ANKS1B: variants seen among roughly 807,000 people sequenced by gnomAD.
ANKS1B encodes ankyrin repeat and sterile alpha motif domain containing 1B, also known as ankyrin repeat and sterile alpha motif domain-containing protein 1B.
ANKS1B carries 36 observed loss-of-function variants against 148.3 expected under a neutral mutation model. The observed-to-expected ratio is 0.24, with a 90% confidence interval of 0.19 to 0.32. The LOEUF (loss-of-function observed/expected upper bound fraction) is 0.32, where lower values mean the gene tolerates loss of function less well. ANKS1B is among the 10% of genes least tolerant of loss of function. The pLI, the probability that ANKS1B is intolerant of heterozygous loss-of-function variation, is 1.00. For synonymous variants in ANKS1B, 542 were observed against 560.8 expected, an observed-to-expected ratio of 0.97 and a Z score of 0.47; for missense variants, 1,157 against 1,542.6, an observed-to-expected ratio of 0.75 and a Z score of 4.19.
chr12:99,634,863 A>C (rs1413036298), intron 9 of ANKS1B, among the ~76,000 whole-genome samples: 1 of 152,210 alleles, frequency 6.6e-6, no homozygotes, highest in African/African-American at 2.4e-5. Flanking sequence ...AATACTCTTA[A>C]ATCACGTATA....
chr12:99,184,317 G>C (rs2079516988), intron 14 of ANKS1B, among the ~76,000 whole-genome samples: 1 of 152,216 alleles, frequency 6.6e-6, no homozygotes, highest in African/African-American at 2.4e-5. Flanking sequence ...GAGGTCAATA[G>C]AGGAGAGATA....
intron 1 of ANKS1B, among the ~76,000 whole-genome samples, chr12:99,860,881 C>T (rs954688528): frequency 2.6e-5 from 4 of 152,128 alleles, no homozygotes; most frequent in Non-Finnish European, 5.9e-5. Context: ...TATATCTTTC[C>T]TACTGATAAA....
In ANKS1B at chr12:99,816,164, T is replaced by G. The variant is rs139954236; in HGVS notation, c.216-3853A>C. On this transcript the variant is annotated intron_variant, in intron 2 of 26. Transcript: ENST00000683438. ...AACTTCTATTGTTTTCTTTTTTTAC[T>G]TTTTAATTATGGCCATTCTTGCAGG... 3.9e-4 allele frequency among the ~76,000 whole-genome samples: 59 copies of G among 151,992 alleles called. No individual in the cohort carries two copies. In the East Asian group the frequency reaches 9.8e-3, roughly 25 times the overall value.
chr12:99,007,057 C>G lies in ANKS1B; in HGVS notation c.2778+46100G>C, dbSNP rs1387388905. Among the ~76,000 whole-genome samples the G allele has an allele frequency of 3.3e-5, 4 of 122,702 alleles. No individual in the cohort carries two copies. In the East Asian group the frequency reaches 8.2e-4, roughly 25 times the overall value. The allele number at this position is 122,702 out of a possible 152,430, so 80.5% of individuals were successfully genotyped here. A position where few individuals can be genotyped will look rare whatever the true frequency, so the allele number is the denominator to read the frequency against. On this transcript the variant is annotated intron_variant, in intron 17 of 26. Coordinates refer to ENST00000683438, the MANE Select transcript of ANKS1B (RefSeq NM_001352186.2). ...AAAACCCAAAATAGATATAATAAAG[C>G]ATAAAAAATCAGTTAGGAATTTTCT...
At chr12:99,368,605 T>C (rs1315290344) in intron 12 of ANKS1B, among the ~76,000 whole-genome samples, 6 of 152,162 alleles carry the variant, frequency 3.9e-5, no homozygotes, top group Admixed American at 2.0e-4. Context: ...ATATGCATTA[T>C]AGATGTATAA....
intron 8 of ANKS1B, among the ~76,000 whole-genome samples, chr12:99,771,337 G>A (rs947819610): frequency 4.6e-5 from 7 of 151,846 alleles, no homozygotes; most frequent in African/African-American, 1.7e-4. Context: ...TTTACTAATG[G>A]TACGTACAAC....
intron 1 of ANKS1B, among the ~76,000 whole-genome samples, chr12:99,847,456 G>C (rs1437563289): frequency 6.6e-6 from 1 of 152,090 alleles, no homozygotes; most frequent in Middle Eastern, 3.2e-3. Context: ...CTGTCTGATA[G>C]TAGGTCATAA....
At chr12:98,972,381 G>A (rs2099883940) in intron 17 of ANKS1B, among the ~76,000 whole-genome samples, 1 of 152,138 alleles carries the variant, frequency 6.6e-6, no homozygotes, top group Admixed American at 6.5e-5. Flanking sequence ...GTATTAGTCG[G>A]ATTTGATCAG....
rs180917682 is a variant in ANKS1B, at chr12:99,287,365, G to A, written c.1757-40501C>T. On this transcript the variant is annotated intron_variant, in intron 12 of 26. Coordinates refer to ENST00000683438, the MANE Select transcript of ANKS1B (RefSeq NM_001352186.2). Reference sequence around the variant, plus strand: ...TACTGAGCATGGAGTGCCCCCTAATGCAGATATTGCAACAGTGACTAAAGA... The same window carrying A: ...TACTGAGCATGGAGTGCCCCCTAATACAGATATTGCAACAGTGACTAAAGA... 1.2e-3 allele frequency among the ~76,000 whole-genome samples: 176 copies of A among 152,288 alleles called. 1 individual carries two copies. The highest frequency in any genetic ancestry group is 4.1e-3 in the African/African-American group (170 of 41,572).
chr12:98,956,403 T>C (rs2099862159), intron 17 of ANKS1B: 1 of 152,192 alleles, frequency 6.6e-6, no homozygotes, highest in Non-Finnish European at 1.5e-5. Flanking sequence ...CAGAGTGATT[T>C]TCTAAAATGT....
intron 4 of ANKS1B, among the ~76,000 whole-genome samples, chr12:99,799,009 C>T (rs2066604968): frequency 6.6e-6 from 1 of 152,062 alleles, no homozygotes; most frequent in Non-Finnish European, 1.5e-5. Context: ...AAAGAAACTT[C>T]CTGTGAACCT....
chr12:99,033,720 C>T (rs1006567573), intron 17 of ANKS1B, among the ~76,000 whole-genome samples: 10 of 152,032 alleles, frequency 6.6e-5, no homozygotes, highest in Admixed American at 1.3e-4. Context: ...CACTCAGGTG[C>T]GTGTGTGAAC....
At chr12:99,266,363 C>T (rs554071880) in intron 12 of ANKS1B, among the ~76,000 whole-genome samples, 19 of 152,180 alleles carry the variant, frequency 1.2e-4, no homozygotes, top group South Asian at 6.2e-4. Context: ...ATCTTTATTA[C>T]GGACCAAGCA....
At chr12:99,520,916 C>T (rs1055341089) in intron 9 of ANKS1B, among the ~76,000 whole-genome samples, 1 of 152,156 alleles carries the variant, frequency 6.6e-6, no homozygotes, top group Non-Finnish European at 1.5e-5. Flanking sequence ...CCTGCTTCAG[C>T]CTTTAAGTAG....
intron 1 of ANKS1B, among the ~76,000 whole-genome samples, chr12:99,856,675 A>T (rs552410761): frequency 6.6e-6 from 1 of 152,238 alleles, no homozygotes; most frequent in South Asian, 2.1e-4. Flanking sequence ...TATCAAAAAG[A>T]TAATCCACCA....
At chr12:99,972,201 A>G (rs780965196) in intron 1 of ANKS1B, among the ~76,000 whole-genome samples, 27 of 152,218 alleles carry the variant, frequency 1.8e-4, no homozygotes, top group Non-Finnish European at 2.8e-4. Flanking sequence ...TCACTGACCT[A>G]TAAGTGTTCA....
intron 15 of ANKS1B, among the ~76,000 whole-genome samples, chr12:99,135,009 A>C (rs1320647076): frequency 2.6e-5 from 4 of 152,238 alleles, no homozygotes; most frequent in Admixed American, 6.5e-5. Flanking sequence ...AATGCACAGC[A>C]GAAAAACTAA....
chr12:99,399,300 A>T (rs1268399793), intron 12 of ANKS1B, among the ~76,000 whole-genome samples: 1 of 152,150 alleles, frequency 6.6e-6, no homozygotes, highest in South Asian at 2.1e-4. Context: ...GCTTCAAAGC[A>T]TCTCTTAATA....
intron 17 of ANKS1B, among the ~76,000 whole-genome samples, chr12:98,915,313 T>G (rs902109969): frequency 6.6e-6 from 1 of 152,128 alleles, no homozygotes; most frequent in African/African-American, 2.4e-5. Flanking sequence ...TCTTTCAGAC[T>G]TGATTTCAGA....
Sources: allele counts gnomAD v4.1 joint callset (sites outside exome capture counted in the v4.1 genomes callset), GRCh38; gene constraint gnomAD v4.1.1; transcripts MANE v1.5; gene names NCBI Gene and HGNC (gene_info 2026-07-23, HGNC 2026-07-21).